Variants in FRMD4B observed in about 807,000 individuals in gnomAD.
The protein encoded by FRMD4B is FERM domain containing 4B.
FRMD4B carries 74 observed loss-of-function variants against 141.5 expected under a neutral mutation model. The observed-to-expected ratio is 0.52, with a 90% confidence interval of 0.43 to 0.63. The LOEUF (loss-of-function observed/expected upper bound fraction) is 0.63. Ranked by LOEUF, FRMD4B falls within the 30% of genes least tolerant of loss-of-function variation. The pLI, the probability that FRMD4B is intolerant of heterozygous loss-of-function variation, is 0.00. For synonymous variants in FRMD4B, 506 were observed against 467.9 expected, an observed-to-expected ratio of 1.08 and a Z score of -1.05; for missense variants, 1,366 against 1,253.4, an observed-to-expected ratio of 1.09 and a Z score of -1.36.
chr3:69,386,136 G>A (rs1454828845), upstream of FRMD4B: 9 of 720,844 alleles, frequency 1.2e-5, no homozygotes, highest in African/African-American at 5.6e-5. Context: ...TTCACCGTGC[G>A]TCCTGGCCAG....
intron 1 of FRMD4B, among the ~76,000 whole-genome samples, chr3:69,525,862 T>C (rs886411655): frequency 6.6e-6 from 1 of 152,020 alleles, no homozygotes. Context: ...TTTTGCCATG[T>C]TGCCCAGGCT....
chr3:69,298,680 C>T (rs528640765), intron 4 of FRMD4B, among the ~76,000 whole-genome samples: 1 of 152,206 alleles, frequency 6.6e-6, no homozygotes, highest in African/African-American at 2.4e-5. Flanking sequence ...AAGAAACTTC[C>T]TCAGAAATGG....
chr3:69,180,143 C>A (rs550675147), intron 21 of FRMD4B, among the ~76,000 whole-genome samples: 2 of 151,596 alleles, frequency 1.3e-5, no homozygotes, highest in Non-Finnish European at 2.9e-5. Context: ...CACATGTAAT[C>A]CCAACACTTT....
intron 22 of FRMD4B, 134 bp from the exon 23 acceptor site, chr3:69,172,115 A>G (rs2092593928): frequency 2.8e-6 from 2 of 706,932 alleles, no homozygotes; most frequent in Non-Finnish European, 2.4e-6. Context: ...GATAAGGGAA[A>G]GGAGAAGGGT....
chr3:69,399,036 A>C (rs540414760), intron 2 of FRMD4B, among the ~76,000 whole-genome samples: 36 of 152,260 alleles, frequency 2.4e-4, no homozygotes, highest in African/African-American at 8.7e-4. Flanking sequence ...GTAAAATTGG[A>C]TTTAAAGAAA....
In FRMD4B at chr3:69,181,640, C is replaced by T. The variant is rs527581690; in HGVS notation, c.2110G>A (p.Glu704Lys). Residue 704 changes from glutamate to lysine, a missense_variant, in exon 21 of 23, where the codon GAG becomes AAG. Physicochemically the swap from Glu to Lys is moderately conservative, Grantham distance 56. Transcript: ENST00000398540. ...SLESQSHLLS[E>K]MDSDKPFFSL... Reference sequence around the variant, plus strand: ...AAAAATGGCTTATCGCTGTCCATCTCGGAGAGCAGGTGGGACTGGGACTCC... The same window carrying T: ...AAAAATGGCTTATCGCTGTCCATCTTGGAGAGCAGGTGGGACTGGGACTCC... The T allele has an allele frequency of 1.1e-5, 18 of 1,612,554 alleles. No homozygotes were observed. The Admixed American group carries it at 1.5e-4, about 13-fold the overall frequency.
intron 1 of FRMD4B, among the ~76,000 whole-genome samples, chr3:69,506,715 G>C (rs966637953): frequency 5.3e-5 from 8 of 151,584 alleles, no homozygotes; most frequent in Non-Finnish European, 8.8e-5. Flanking sequence ...AATTTTTTTG[G>C]GGGGGGTGGG....
intron 1 of FRMD4B, among the ~76,000 whole-genome samples, chr3:69,362,706 C>T (rs534644914): frequency 2.0e-5 from 3 of 149,966 alleles, no homozygotes; most frequent in Non-Finnish European, 4.5e-5. Context: ...GCCAACCCCC[C>T]CCCCAAAAAA....
At chr3:69,265,002 T>C (rs970016837) in intron 5 of FRMD4B, among the ~76,000 whole-genome samples, 5 of 151,868 alleles carry the variant, frequency 3.3e-5, no homozygotes, top group African/African-American at 1.2e-4. Context: ...ACGCCTGTAA[T>C]CCCAACACTT....
At chr3:69,307,161 C>T (rs1228727087) in intron 3 of FRMD4B, among the ~76,000 whole-genome samples, 2 of 152,044 alleles carry the variant, frequency 1.3e-5, no homozygotes, top group Non-Finnish European at 2.9e-5. Flanking sequence ...GCACAGAGGA[C>T]ATTGTGGAGC....
At position 69,495,178 on chromosome 3, in the gene FRMD4B, C is replaced by T. The variant is rs952513315; in HGVS notation, c.-129+47028G>A. On this transcript the variant is annotated intron_variant, in intron 1 of 5. Transcript: ENST00000459638. ...ATAAACTACAACCCCACTAAGGACACACTGAATGCCAATTCCTGAGGGAAT... is the reference window on the plus strand; with the variant it reads ...ATAAACTACAACCCCACTAAGGACATACTGAATGCCAATTCCTGAGGGAAT... Among the ~76,000 whole-genome samples, 25 of 152,148 alleles carry T rather than the reference C, an allele frequency of 1.6e-4. 1 individual carries two copies. The highest frequency in any genetic ancestry group is 5.1e-4 in the African/African-American group (21 of 41,440).
chr3:69,230,748 G>C, intron 7 of FRMD4B, among the ~76,000 whole-genome samples: 2 of 136,854 alleles, frequency 1.5e-5, no homozygotes, highest in African/African-American at 5.4e-5. Flanking sequence ...ACTCTGCCTC[G>C]AAAAAAAAAA....
At chr3:69,361,913 T>C (rs989182740) in intron 1 of FRMD4B, among the ~76,000 whole-genome samples, 3 of 152,244 alleles carry the variant, frequency 2.0e-5, no homozygotes, top group African/African-American at 7.2e-5. Flanking sequence ...AGGATGAATG[T>C]ACGTTTAACT....
chr3:69,288,014 T>C (rs1255355235), intron 4 of FRMD4B, among the ~76,000 whole-genome samples, 178 bp from the exon 5 acceptor site: 3 of 152,256 alleles, frequency 2.0e-5, no homozygotes, highest in African/African-American at 7.2e-5. Flanking sequence ...TGTATGTGTA[T>C]GTATACCTAA....
At chr3:69,204,552 T>A (rs1379288517) in intron 11 of FRMD4B, among the ~76,000 whole-genome samples, 1 of 152,220 alleles carries the variant, frequency 6.6e-6, no homozygotes, top group Non-Finnish European at 1.5e-5. Context: ...ATTATTGATT[T>A]ATTCTTTTTT....
At chr3:69,222,058 G>A (rs2093201045) in intron 8 of FRMD4B, 135 bp from the exon 9 acceptor site, 1 of 625,464 alleles carries the variant, frequency 1.6e-6, no homozygotes, top group Non-Finnish European at 2.9e-6. Flanking sequence ...GATAGAGTTT[G>A]GCTTTTGTTT....
intron 5 of FRMD4B, among the ~76,000 whole-genome samples, chr3:69,262,377 ATATG>A (rs1180279507): frequency 6.6e-6 from 1 of 151,788 alleles, no homozygotes; most frequent in Non-Finnish European, 1.5e-5. Context: ...ACATGTTTGC[ATATG>A]TCCACTCAAA....
intron 1 of FRMD4B, among the ~76,000 whole-genome samples, chr3:69,529,605 A>C (rs1324296357): frequency 2.6e-5 from 4 of 152,108 alleles, no homozygotes; most frequent in African/African-American, 9.7e-5. Flanking sequence ...CCTGCCCTCC[A>C]CTGCACTCAG....
chr3:69,451,231 A>T (rs1008201560), intron 1 of FRMD4B, among the ~76,000 whole-genome samples: 3 of 150,354 alleles, frequency 2.0e-5, no homozygotes, highest in Non-Finnish European at 4.4e-5. Flanking sequence ...GAGAATAAAA[A>T]CTGTCCTGCT....
Sources: allele counts gnomAD v4.1 joint callset (sites outside exome capture counted in the v4.1 genomes callset), GRCh38; gene constraint gnomAD v4.1.1; transcripts MANE v1.5; gene names NCBI Gene and HGNC (gene_info 2026-07-23, HGNC 2026-07-21).